The following MITF variants were observed in gnomAD, a reference collection of about 807,000 sequenced individuals.
MITF encodes melanocyte inducing transcription factor.
A neutral mutation model predicts 60.5 loss-of-function variants in MITF; 17 were observed. That is an observed-to-expected ratio of 0.28 (90% CI 0.19 to 0.42). The LOEUF is 0.42. Among genes scored for constraint, MITF ranks in the 10% least tolerant of loss-of-function variants. MITF has a pLI of 1.00. For missense variants in MITF, 622 were observed against 683.5 expected, an observed-to-expected ratio of 0.91 and a Z score of 1.00; for synonymous variants, 260 against 248.5, an observed-to-expected ratio of 1.05 and a Z score of -0.43.
intron 1 of MITF, among the ~76,000 whole-genome samples, chr3:69,855,053 G>A (rs1377697469): frequency 4.6e-5 from 7 of 152,012 alleles, no homozygotes; most frequent in African/African-American, 7.2e-5. Flanking sequence ...TGGTCCTGGA[G>A]ACCAGCCCCC....
At chr3:69,830,064 C>A (rs1035869734) in intron 1 of MITF, among the ~76,000 whole-genome samples, 1 of 152,036 alleles carries the variant, frequency 6.6e-6, no homozygotes, top group Non-Finnish European at 1.5e-5. Flanking sequence ...TTCAGCTCTG[C>A]GAATCTAGGA....
intron 1 of MITF, among the ~76,000 whole-genome samples, chr3:69,752,751 C>A (rs955454106): frequency 6.6e-6 from 1 of 152,110 alleles, no homozygotes; most frequent in African/African-American, 2.4e-5. Context: ...AGCACAATCC[C>A]CTTGGTCCTG....
chr3:69,759,394 A>G (rs1411499155), intron 1 of MITF, among the ~76,000 whole-genome samples: 1 of 152,200 alleles, frequency 6.6e-6, no homozygotes, highest in Non-Finnish European at 1.5e-5. Flanking sequence ...AGACTGTGAA[A>G]AGGACACTTT....
At chr3:69,831,072 G>C (rs113354196) in intron 1 of MITF, among the ~76,000 whole-genome samples, 209 of 152,238 alleles carry the variant, frequency 1.4e-3, no homozygotes, top group African/African-American at 4.9e-3. Flanking sequence ...CAACCTTGCA[G>C]GGTTGCTCTG....
At chr3:69,911,546 GA>G (rs1257294637) in intron 2 of MITF, among the ~76,000 whole-genome samples, 1 of 152,044 alleles carries the variant, frequency 6.6e-6, no homozygotes, top group African/African-American at 2.4e-5. Flanking sequence ...ATAAATAGGA[GA>G]ACCATATTGA....
intron 8 of MITF, among the ~76,000 whole-genome samples, chr3:69,958,933 A>T (rs1349306624): frequency 6.7e-6 from 1 of 149,350 alleles, no homozygotes; most frequent in African/African-American, 2.5e-5. Flanking sequence ...AGCTATAATT[A>T]ATGTATGATT....
intron 1 of MITF, among the ~76,000 whole-genome samples, chr3:69,754,898 C>T (rs951485126): frequency 5.3e-5 from 8 of 151,766 alleles, no homozygotes; most frequent in Admixed American, 2.6e-4. Flanking sequence ...AAAGAAAAAA[C>T]GACTCAAAGG....
chr3:69,951,987 C>CTG, intron 7 of MITF, 101 bp downstream of exon 7: 1 of 862,716 alleles, frequency 1.2e-6, no homozygotes, highest in South Asian at 1.4e-5. Context: ...ATTCCTACAG[C>CTG]TGTTAAAATT....
At chr3:69,792,691 T>C (rs1419909319) in intron 1 of MITF, among the ~76,000 whole-genome samples, 1 of 152,172 alleles carries the variant, frequency 6.6e-6, no homozygotes, top group African/African-American at 2.4e-5. Context: ...TCCCTGGCAT[T>C]ATTTTATTGG....
intron 5 of MITF, 119 bp from the exon 6 acceptor site, chr3:69,948,931 AT>A (rs1362770042): frequency 1.2e-5 from 9 of 774,522 alleles, no homozygotes; most frequent in Admixed American, 2.2e-5. Flanking sequence ...TATTTTAAAA[AT>A]GATTTTTTGT....
At chr3:69,838,154 G>A (rs889458312) in intron 1 of MITF, among the ~76,000 whole-genome samples, 1 of 152,070 alleles carries the variant, frequency 6.6e-6, no homozygotes, top group Non-Finnish European at 1.5e-5. Context: ...AAATGTTCTT[G>A]TACTTAGGAA....
intron 2 of MITF, among the ~76,000 whole-genome samples, chr3:69,904,640 C>T (rs1433114387): frequency 6.6e-6 from 1 of 152,146 alleles, no homozygotes; most frequent in Non-Finnish European, 1.5e-5. Context: ...TCAATGTATC[C>T]TTTGTATTCC....
chr3:69,844,392 T>C (rs559194405), intron 1 of MITF, among the ~76,000 whole-genome samples: 40 of 152,280 alleles, frequency 2.6e-4, no homozygotes, highest in African/African-American at 8.7e-4. Flanking sequence ...ATTTAATAAA[T>C]GGTTTTGGGA....
intron 1 of MITF, among the ~76,000 whole-genome samples, chr3:69,830,730 G>A (rs981330338): frequency 1.3e-5 from 2 of 151,630 alleles, no homozygotes; most frequent in Non-Finnish European, 2.9e-5. Context: ...TGAATGAACA[G>A]ATATGATATC....
rs1227959318 is a variant in MITF at position 69,919,892 on chromosome 3, C to T, written c.355-17930C>T. Among the ~76,000 whole-genome samples, 4 of 151,488 alleles carry T rather than the reference C, an allele frequency of 2.6e-5. No homozygotes were observed. The East Asian group carries it at 7.7e-4, about 29-fold the overall frequency. On this transcript the variant is annotated intron_variant, in intron 2 of 9. Transcript: ENST00000352241. The stretch of plus-strand genomic sequence containing the variant: ...GTTTTCAGACAGTGTGGGCAGCAAG[C>T]CACCCAGGCGCCAAGGCAAGAGACC...
At chr3:69,916,242 CATA>C (rs1559717852) in intron 2 of MITF, among the ~76,000 whole-genome samples, 1 of 152,056 alleles carries the variant, frequency 6.6e-6, no homozygotes, top group Admixed American at 6.6e-5. Context: ...TAAATAATCA[CATA>C]ATAATTCAAA....
Position 69,965,233 on chromosome 3 carries a change from G to A in MITF, c.1566G>A (p.Thr522=), listed in dbSNP as rs36118030. ...GGAGCAGTATGAGCATGGAAGAGAC[G>A]GAGCACACTTGTTAGCGAATCCTCC... The part of the protein sequence containing the change: ...SRRSSMSMEE[T]EHTC The change falls in exon 10 of 10, where the codon ACG becomes ACA. Residue 522 remains threonine, a synonymous_variant. Transcript: ENST00000352241. The A allele has an allele frequency of 1.7e-3, 2,665 of 1,613,830 alleles. 40 individuals are homozygous for A. In the African/African-American group the frequency reaches 0.031, roughly 19 times the overall value.
intron 1 of MITF, among the ~76,000 whole-genome samples, chr3:69,811,546 G>A (rs2063100645): frequency 6.6e-6 from 1 of 152,184 alleles, no homozygotes; most frequent in South Asian, 2.1e-4. Flanking sequence ...TAATACCCCA[G>A]TATATGAATT....
In MITF at chr3:69,966,351, G is replaced by A. The variant is rs1018697494; in HGVS notation, c.*1103G>A. On this transcript the variant is annotated 3_prime_UTR_variant, in exon 10 of 10. Coordinates refer to ENST00000352241, the MANE Select transcript of MITF (RefSeq NM_001354604.2). ...TCTTGCATTTAAAAGACAGCTTTGC[G>A]AATATTTTGTAAATTACAGTCTCAC... is the stretch of plus-strand genomic sequence containing the variant. The A allele has an allele frequency of 8.6e-6, 2 of 232,834 alleles. No individual in the cohort carries two copies. Among genetic ancestry groups the A allele is most frequent in the South Asian group, 1.8e-4 (1 of 5,528 alleles). 14.4% of individuals were successfully genotyped at this position (232,834 alleles called of 1,614,324 possible). A position where few individuals can be genotyped will look rare whatever the true frequency, so the allele number is the denominator to read the frequency against.
Sources: gnomAD v4.1 joint callset for allele counts (sites outside exome capture counted in the v4.1 genomes callset) on GRCh38, gnomAD v4.1.1 for gene constraint, MANE v1.5 for transcripts, NCBI Gene and HGNC (gene_info 2026-07-23, HGNC 2026-07-21) for gene names.